Variants in KAZN observed in about 807,000 individuals in gnomAD.
The protein encoded by KAZN is kazrin.
KAZN carries 40 observed loss-of-function variants against 87.4 expected under a neutral mutation model. The observed-to-expected ratio is 0.46, with a 90% CI of 0.36 to 0.60. KAZN has a LOEUF of 0.60. Ranked by LOEUF, KAZN falls within the 20% of genes least tolerant of loss-of-function variation. The pLI is 0.00. For missense variants in KAZN, 898 were observed against 1,073.9 expected, an observed-to-expected ratio of 0.84 and a Z score of 2.29; for synonymous variants, 466 against 458.3, an observed-to-expected ratio of 1.02 and a Z score of -0.22.
chr1:14,666,769 C>A (rs529910879), intron 1 of KAZN, among the ~76,000 whole-genome samples: 1 of 152,272 alleles, frequency 6.6e-6, no homozygotes, highest in South Asian at 2.1e-4. Flanking sequence ...GACAGAGTCT[C>A]ACTCTGTCGC....
rs554244681 is a variant in KAZN, at chr1:14,778,698, G to A, written c.226+179475G>A. Among the ~76,000 whole-genome samples, 17 of 152,156 alleles carry A rather than the reference G, an allele frequency of 1.1e-4. 1 individual carries two copies. In the South Asian group the frequency reaches 2.3e-3, roughly 20 times the overall value. On this transcript the variant is annotated intron_variant, in intron 1 of 14. Transcript: ENST00000376030. ...CAGTGTTTCAGTTCTCTTTTGCCACGTAACAACCCCCAGTATTTTTATACC... is the reference window on the plus strand; with the variant it reads ...CAGTGTTTCAGTTCTCTTTTGCCACATAACAACCCCCAGTATTTTTATACC...
intron 1 of KAZN, among the ~76,000 whole-genome samples, chr1:14,673,097 C>T (rs1407017596): frequency 6.6e-6 from 1 of 152,172 alleles, no homozygotes; most frequent in African/African-American, 2.4e-5. Flanking sequence ...TGACAGATGC[C>T]CATTAGCCTA....
intron 1 of KAZN, among the ~76,000 whole-genome samples, chr1:14,100,513 A>G (rs1035916399): frequency 1.3e-5 from 2 of 152,202 alleles, no homozygotes; most frequent in African/African-American, 4.8e-5. Flanking sequence ...TGAGCTTCCA[A>G]GAGTCCCCTC....
chr1:14,285,550 T>G (rs1001217200), intron 2 of KAZN, among the ~76,000 whole-genome samples: 2 of 152,204 alleles, frequency 1.3e-5, no homozygotes, highest in Non-Finnish European at 2.9e-5. Flanking sequence ...GCAACAGTTG[T>G]GTATTTCCTG....
chr1:15,093,111 A>G (rs1446933393), intron 8 of KAZN, among the ~76,000 whole-genome samples: 2 of 152,266 alleles, frequency 1.3e-5, no homozygotes, highest in Middle Eastern at 3.4e-3. Flanking sequence ...GGTGAAATAA[A>G]TTACGGAGCC....
At chr1:14,740,731 T>G (rs1022506186) in intron 1 of KAZN, among the ~76,000 whole-genome samples, 5 of 152,154 alleles carry the variant, frequency 3.3e-5, no homozygotes, top group African/African-American at 4.8e-5. Flanking sequence ...CAAGAGGGTC[T>G]CTTGATTTCT....
chr1:14,951,429 G>C (rs1662467829), intron 1 of KAZN, among the ~76,000 whole-genome samples: 1 of 151,334 alleles, frequency 6.6e-6, no homozygotes. Context: ...GCCCATGAGA[G>C]TCATTGTGTC....
intron 1 of KAZN, among the ~76,000 whole-genome samples, chr1:14,617,304 T>C (rs1572056989): frequency 6.6e-6 from 1 of 152,260 alleles, no homozygotes; most frequent in African/African-American, 2.4e-5. Context: ...ATGAAACTTA[T>C]GTTTACACTA....
At chr1:14,040,678 T>C (rs893654195) in intron 1 of KAZN, among the ~76,000 whole-genome samples, 1 of 151,668 alleles carries the variant, frequency 6.6e-6, no homozygotes, top group Non-Finnish European at 1.5e-5. Context: ...GGCAGGAGAA[T>C]CACTTGAACT....
intron 1 of KAZN, among the ~76,000 whole-genome samples, chr1:14,620,590 T>A (rs917968509): frequency 2.0e-5 from 3 of 152,166 alleles, no homozygotes; most frequent in African/African-American, 7.2e-5. Flanking sequence ...CCATGGAAAC[T>A]TTCCTCTTCT....
intron 2 of KAZN, among the ~76,000 whole-genome samples, chr1:14,583,253 T>C (rs1378186358): frequency 1.3e-5 from 2 of 152,226 alleles, no homozygotes; most frequent in Non-Finnish European, 2.9e-5. Flanking sequence ...TCTAAGCTAG[T>C]ACACTATCCT....
intron 2 of KAZN, among the ~76,000 whole-genome samples, chr1:14,502,531 G>C (rs1670314742): frequency 6.6e-6 from 1 of 152,104 alleles, no homozygotes; most frequent in Non-Finnish European, 1.5e-5. Flanking sequence ...CTCTTCTTTA[G>C]AGCCCTCTGT....
intron 3 of KAZN, among the ~76,000 whole-genome samples, chr1:15,040,308 T>C (rs1311883954): frequency 6.6e-6 from 1 of 152,246 alleles, no homozygotes; most frequent in Non-Finnish European, 1.5e-5. Flanking sequence ...CCCACGCAAC[T>C]GTGCCCGCTT....
At chr1:14,104,492 C>T (rs912131345) in intron 1 of KAZN, among the ~76,000 whole-genome samples, 2 of 152,116 alleles carry the variant, frequency 1.3e-5, no homozygotes, top group African/African-American at 4.8e-5. Context: ...TAGAACAGAG[C>T]CAGGGAGCTG....
intron 1 of KAZN, among the ~76,000 whole-genome samples, chr1:14,892,828 C>T (rs540414314): frequency 1.1e-4 from 17 of 152,232 alleles, no homozygotes; most frequent in African/African-American, 4.1e-4. Context: ...CTTGTATCTC[C>T]AATACCTACA....
At chr1:14,526,919 C>T (rs536784766) in intron 2 of KAZN, among the ~76,000 whole-genome samples, 3 of 152,312 alleles carry the variant, frequency 2.0e-5, no homozygotes, top group Admixed American at 1.3e-4. Flanking sequence ...TGTTATAGTG[C>T]GGAGTTCTTG....
chr1:13,945,927 C>G (rs1407410352), intron 1 of KAZN, among the ~76,000 whole-genome samples: 1 of 152,086 alleles, frequency 6.6e-6, no homozygotes, highest in African/African-American at 2.4e-5. Context: ...GTCCCTATTG[C>G]TGGACTTCTG....
intron 1 of KAZN, among the ~76,000 whole-genome samples, chr1:14,828,846 G>A (rs1020465775): frequency 2.4e-4 from 36 of 152,302 alleles, no homozygotes; most frequent in African/African-American, 8.2e-4. Context: ...CAAGATGGCT[G>A]CAGATGCTCC....
rs921603554 is a variant in KAZN at position 14,021,562 on chromosome 1, GTC to G, written c.91+127812_91+127813del. ...GTTGTGGAAGGAGGAGAGGGTCTAG[GTC>G]TCTCTATTTTTTCCAAGTTCCCCAG... On this transcript the variant is annotated intron_variant, in intron 1 of 16. Coordinates refer to the KAZN transcript ENST00000636203. Among the ~76,000 whole-genome samples, 5 of 151,576 alleles carry G rather than the reference GTC, an allele frequency of 3.3e-5. No individual in the cohort carries two copies. In the South Asian group the frequency reaches 6.2e-4, roughly 19 times the overall value.
Sources: gnomAD v4.1 joint callset for allele counts (sites outside exome capture counted in the v4.1 genomes callset) on GRCh38, gnomAD v4.1.1 for gene constraint, MANE v1.5 for transcripts, NCBI Gene and HGNC (gene_info 2026-07-23, HGNC 2026-07-21) for gene names.